The following PM20D2 variants were observed in gnomAD, a reference collection of about 807,000 sequenced individuals.
PM20D2 encodes the protein peptidase M20 domain containing 2, also known as xaa-Arg dipeptidase.
PM20D2 carries 33 observed loss-of-function variants against 42.9 expected under a neutral mutation model. The ratio of observed to expected loss-of-function variants is 0.77; its 90% CI spans 0.58 to 1.03. PM20D2 has a LOEUF of 1.03. Ranked by LOEUF, PM20D2 falls within the 50% of genes least tolerant of loss-of-function variation. The probability of loss-of-function intolerance (pLI) is 0.00; values close to 1 mark genes in which losing one functional copy is unlikely to be tolerated. For missense variants in PM20D2, 548 were observed against 557.0 expected (o/e 0.98, Z 0.16); for synonymous variants, 250 against 228.2 (o/e 1.10, Z -0.86).
At chr6:89,113,583 A>G in the PM20D2 span, among the ~76,000 whole-genome samples, 1 of 152,218 alleles carries the variant, frequency 6.6e-6, no homozygotes, top group East Asian at 1.9e-4. Context: ...TGCTGGGATT[A>G]TAGATGTGAG....
chr6:89,146,321 C>G lies in PM20D2; in HGVS notation c.177C>G (p.His59Gln), dbSNP rs1189022912. ...PELAYEEHHAHRVLTHFFERE... is the reference protein window; with the variant it reads ...PELAYEEHHAQRVLTHFFERE... Reference sequence around the variant, plus strand: ...TGGCCTACGAGGAGCACCATGCCCACCGCGTGCTGACGCACTTCTTCGAGC... The same window carrying G: ...TGGCCTACGAGGAGCACCATGCCCAGCGCGTGCTGACGCACTTCTTCGAGC... Residue 59 changes from histidine (H) to glutamine (Q), a missense_variant, in exon 1 of 7, where the codon CAC (histidine) becomes CAG (glutamine). Transcript: ENST00000275072. 6.3e-7 allele frequency: 1 copy of G among 1,577,338 alleles called. No individual in the cohort carries two copies. Among genetic ancestry groups the G allele is most frequent in the Non-Finnish European group, 8.5e-7 (1 of 1,169,992 alleles).
At position 89,146,315 on chromosome 6, in the gene PM20D2, T is replaced by G; in HGVS notation, c.171T>G (p.His57Gln). ...CCGAGCTGGCCTACGAGGAGCACCA[T>G]GCCCACCGCGTGCTGACGCACTTCT... The part of the protein sequence containing the change: ...SQPELAYEEH[H>Q]AHRVLTHFFE... The change falls in exon 1 of 7, where the codon CAT (histidine) becomes CAG (glutamine). Residue 57 changes from histidine (H) to glutamine (Q), a missense_variant. This residue lies in a region of PM20D2 where 470 missense variants were observed against 464.4 expected (regional missense o/e 1.01). Transcript: ENST00000275072. 1 of 1,579,526 alleles carries G rather than the reference T, an allele frequency of 6.3e-7. No individual in the cohort carries two copies.
At chr6:89,141,121 T>C (rs1484247361), upstream of PM20D2, among the ~76,000 whole-genome samples, 3 of 152,108 alleles carry the variant, frequency 2.0e-5, no homozygotes, top group African/African-American at 7.2e-5. Flanking sequence ...ATCTACCTCC[T>C]CTCCACGTGT....
rs118146005 is a variant in PM20D2, at chr6:89,158,246, G to C, written c.913-79G>C. ...CTTCTCTTAAAACCTCTTCCTATTA[G>C]AGAACAATCACTGGTTTGAAAATTA... is the stretch of plus-strand genomic sequence containing the variant. On this transcript the variant is annotated intron_variant, in intron 4 of 6. Coordinates refer to ENST00000275072, the MANE Select transcript of PM20D2 (RefSeq NM_001010853.3). 1.7e-3 allele frequency: 2,169 copies of C among 1,304,850 alleles called. 7 individuals are homozygous for C. Among genetic ancestry groups the C allele is most frequent in the Non-Finnish European group, 2.0e-3 (1,923 of 943,674 alleles). 80.8% of individuals were successfully genotyped at this position (1,304,850 alleles called of 1,614,324 possible).
rs1002087793 is a variant in PM20D2, at chr6:89,146,623, C to T, written c.465+14C>T. Reference sequence around the variant, plus strand: ...CCGCCCGTGAAGGTGAGGTGGGGCCCGGGTGCGGGACCCTATCCGACTGCC... The same window carrying T: ...CCGCCCGTGAAGGTGAGGTGGGGCCTGGGTGCGGGACCCTATCCGACTGCC... On this transcript the variant is annotated intron_variant, in intron 1 of 6. Coordinates refer to ENST00000275072, the MANE Select transcript of PM20D2 (RefSeq NM_001010853.3). The T allele has an allele frequency of 8.6e-5, 121 of 1,410,444 alleles. No homozygotes were observed. Among genetic ancestry groups the T allele is most frequent in the Non-Finnish European group, 1.0e-4 (114 of 1,089,152 alleles). The allele number at this position is 1,410,444 out of a possible 1,614,324, so 87.4% of individuals were successfully genotyped here.
the PM20D2 span, chr6:89,098,336 C>T: frequency 2.7e-6 from 1 of 364,654 alleles, no homozygotes; most frequent in Non-Finnish European, 4.8e-6. Context: ...CCTTCTGCCA[C>T]AATGTAAATA....
At chr6:89,096,400 G>A in the PM20D2 span, 11 of 152,220 alleles carry the variant, frequency 7.2e-5, no homozygotes, top group South Asian at 2.3e-3. Flanking sequence ...GAGTGTTGAT[G>A]GTTAAATACA....
At chr6:89,116,746 G>T in the PM20D2 span, among the ~76,000 whole-genome samples, 1 of 149,700 alleles carries the variant, frequency 6.7e-6, no homozygotes, top group African/African-American at 2.5e-5. Context: ...TTGTACTCCA[G>T]CCTGGGGGAC....
chr6:89,158,186 G>T (rs1771115554), intron 4 of PM20D2, 139 bp from the exon 5 acceptor site: 2 of 728,718 alleles, frequency 2.7e-6, no homozygotes, highest in African/African-American at 3.6e-5. Flanking sequence ...TAAGGTAAGA[G>T]ATTTGAGAGT....
At chr6:89,155,062 C>T (rs77520877) in intron 4 of PM20D2, among the ~76,000 whole-genome samples, 160 bp downstream of exon 4, 1,856 of 152,106 alleles carry the variant, frequency 0.012, 27 homozygotes, top group Non-Finnish European at 0.015. Context: ...AATTTTTACA[C>T]GTTTCATTCC....
rs1335249747 is a variant in PM20D2 at position 89,165,025 on chromosome 6, T to C, written c.*2762T>C. On this transcript the variant is annotated 3_prime_UTR_variant, in exon 7 of 7. Transcript: ENST00000275072. ...ACGAGATTTATTTATCTGAGCAACA[T>C]TGGGACTGAGGGAACATCTGAAAGC... 6.6e-6 allele frequency: 1 copy of C among 151,860 alleles called. No individual in the cohort carries two copies. The highest frequency in any genetic ancestry group is 1.5e-5 in the Non-Finnish European group (1 of 67,934). 9.4% of individuals were successfully genotyped at this position (151,860 alleles called of 1,614,324 possible). A position where few individuals can be genotyped will look rare whatever the true frequency, so the allele number is the denominator to read the frequency against.
At chr6:89,130,813 C>CTGCTGCT in the PM20D2 span, among the ~76,000 whole-genome samples, 4 of 48,424 alleles carry the variant, frequency 8.3e-5, no homozygotes, top group African/African-American at 1.7e-4. Flanking sequence ...TATCTGGCTT[C>CTGCTGCT]TTCTTCTTTT....
At chr6:89,155,542 G>A (rs1426151056) in intron 4 of PM20D2, among the ~76,000 whole-genome samples, 6 of 151,794 alleles carry the variant, frequency 4.0e-5, no homozygotes, top group East Asian at 1.9e-4. Context: ...CACCCACCTC[G>A]GCCTTCTAAA....
At chr6:89,144,910 G>C (rs1770470646), upstream of PM20D2, among the ~76,000 whole-genome samples, 1 of 152,228 alleles carries the variant, frequency 6.6e-6, no homozygotes, top group South Asian at 2.1e-4. Flanking sequence ...AAAGTTTTCA[G>C]ACGTGAATGG....
the PM20D2 span, chr6:89,098,512 T>C: frequency 1.3e-6 from 2 of 1,499,586 alleles, no homozygotes; most frequent in Non-Finnish European, 1.8e-6. Flanking sequence ...TAAAGAATTT[T>C]TATTTAACAT....
intron 4 of PM20D2, among the ~76,000 whole-genome samples, chr6:89,157,556 A>G (rs1019621013): frequency 6.6e-6 from 1 of 152,156 alleles, no homozygotes; most frequent in Non-Finnish European, 1.5e-5. Context: ...GTACTTTTCT[A>G]CCTCTCACAC....
Position 89,164,545 on chromosome 6 carries a change from TAAAAC to T in PM20D2, c.*2285_*2289del, listed in dbSNP as rs1271180056. 2 of 152,566 alleles carry T rather than the reference TAAAAC, an allele frequency of 1.3e-5. No individual in the cohort carries two copies. The highest frequency in any genetic ancestry group is 2.9e-5 in the Non-Finnish European group (2 of 68,006). The allele number at this position is 152,566 out of a possible 1,614,324, so 9.5% of individuals were successfully genotyped here. On this transcript the variant is annotated 3_prime_UTR_variant, in exon 7 of 7. Coordinates refer to ENST00000275072, the MANE Select transcript of PM20D2 (RefSeq NM_001010853.3). ...GTAAACAGTGGCAGGAGCGTGGACT[TAAAAC>T]AAGGCTTGCTTATTTGGTTTTGTCA...
intron 2 of PM20D2, among the ~76,000 whole-genome samples, chr6:89,151,212 T>G (rs573887196): frequency 1.1e-4 from 17 of 148,440 alleles, no homozygotes; most frequent in South Asian, 8.4e-4. Flanking sequence ...TTTAAATTAC[T>G]AATCCACTTT....
chr6:89,123,168 T>C, the PM20D2 span, among the ~76,000 whole-genome samples: 1 of 152,328 alleles, frequency 6.6e-6, no homozygotes, highest in Non-Finnish European at 1.5e-5. Flanking sequence ...TGTTTCTTTC[T>C]AATTAATTTG....
Sources: gnomAD v4.1 joint callset for allele counts (sites outside exome capture counted in the v4.1 genomes callset) on GRCh38, gnomAD v4.1.1 for gene constraint, gnomAD v4.1.1 regional missense constraint, MANE v1.5 for transcripts, NCBI Gene and HGNC (gene_info 2026-07-23, HGNC 2026-07-21) for gene names.